FHOD3: variants seen among roughly 807,000 people sequenced by gnomAD.
FHOD3 encodes FH1/FH2 domain-containing protein 3.
A neutral mutation model predicts 173.0 loss-of-function variants in FHOD3; 90 were observed. That is an observed-to-expected ratio of 0.52 (90% CI 0.44 to 0.62). The LOEUF is 0.62. Among genes scored for constraint, FHOD3 ranks in the 20% least tolerant of loss-of-function variants. The pLI is 0.00. For missense variants in FHOD3, 1,945 were observed against 2,034.7 expected (o/e 0.96, Z 0.85); for synonymous variants, 828 against 823.0 (o/e 1.01, Z -0.10).
intron 3 of FHOD3, among the ~76,000 whole-genome samples, chr18:36,463,196 G>T (rs1438311646): frequency 6.6e-6 from 1 of 151,262 alleles, no homozygotes; most frequent in Non-Finnish European, 1.5e-5. Flanking sequence ...TTAGTTAGGT[G>T]GTTGTCTTCC....
At position 36,779,898 on chromosome 18, in the gene FHOD3, C is replaced by T. The variant is rs566433888; in HGVS notation, c.*368C>T. The T allele has an allele frequency of 2.3e-6, 1 of 425,690 alleles. No individual in the cohort carries two copies. The highest frequency in any genetic ancestry group is 2.0e-5 in the African/African-American group (1 of 49,974). 26.4% of individuals were successfully genotyped at this position (425,690 alleles called of 1,614,324 possible). ...ATCTGATTAGCTTCACAGACTGAGT[C>T]TCCACAACACCAAAATATCCAGATG... On this transcript the variant is annotated 3_prime_UTR_variant, in exon 29 of 29. Transcript: ENST00000590592.
At chr18:36,521,409 G>C (rs1339163592) in intron 5 of FHOD3, among the ~76,000 whole-genome samples, 1 of 152,014 alleles carries the variant, frequency 6.6e-6, no homozygotes, top group Non-Finnish European at 1.5e-5. Context: ...TTATACCCCA[G>C]TCAGTTCCTC....
At chr18:36,581,989 TAGG>T (rs762493457) in intron 6 of FHOD3, among the ~76,000 whole-genome samples, 8 of 152,242 alleles carry the variant, frequency 5.3e-5, no homozygotes, top group Non-Finnish European at 1.2e-4. Context: ...ACTAGCCTTC[TAGG>T]AGGAGATTTC....
intron 3 of FHOD3, among the ~76,000 whole-genome samples, chr18:36,382,629 A>G (rs2047847687): frequency 6.6e-6 from 1 of 152,208 alleles, no homozygotes; most frequent in African/African-American, 2.4e-5. Flanking sequence ...AGGCCTGTCT[A>G]CTGTGGAACT....
chr18:36,587,499 G>T (rs1022690536), intron 6 of FHOD3, among the ~76,000 whole-genome samples: 1 of 152,164 alleles, frequency 6.6e-6, no homozygotes, highest in South Asian at 2.1e-4. Context: ...TATCTCAATA[G>T]AGAAAATGCC....
At chr18:36,661,369 T>C (rs949035716) in intron 14 of FHOD3, among the ~76,000 whole-genome samples, 1 of 152,336 alleles carries the variant, frequency 6.6e-6, no homozygotes, top group African/African-American at 2.4e-5. Flanking sequence ...TAGTAGAATT[T>C]GTAAGATTTA....
In FHOD3 at chr18:36,718,567, G is replaced by A; in HGVS notation, c.3269G>A (p.Trp1090Ter). The change falls in exon 19 of 29, where the codon TGG becomes TAG. Residue 1090 changes from tryptophan to a stop codon, truncating the protein, a stop_gained. Coordinates refer to ENST00000590592, the MANE Select transcript of FHOD3 (RefSeq NM_001281740.3). LOFTEE classifies it high-confidence loss of function. Reference protein sequence around the residue: ...TKKKKTIRLFWNEVRPFDWPC... With the variant: ...TKKKKTIRLF Reference sequence around the variant, plus strand: ...AAAAAGAAGACCATCCGTTTGTTCTGGAATGAAGTTCGGCCTTTTGACTGG... The same window carrying A: ...AAAAAGAAGACCATCCGTTTGTTCTAGAATGAAGTTCGGCCTTTTGACTGG... 1 of 1,614,168 alleles carries A rather than the reference G, an allele frequency of 6.2e-7. No individual in the cohort carries two copies. The highest frequency in any genetic ancestry group is 8.5e-7 in the Non-Finnish European group (1 of 1,180,034).
intron 3 of FHOD3, among the ~76,000 whole-genome samples, chr18:36,479,987 G>A (rs1175315727): frequency 1.3e-5 from 2 of 152,178 alleles, no homozygotes; most frequent in African/African-American, 4.8e-5. Flanking sequence ...GAACTAGGCA[G>A]AACTAGCTGT....
chr18:36,676,965 A>C (rs538610626), intron 14 of FHOD3, among the ~76,000 whole-genome samples: 6 of 152,110 alleles, frequency 3.9e-5, no homozygotes, highest in Non-Finnish European at 7.4e-5. Context: ...CTTTATTCTT[A>C]TGTAGTCTTT....
Position 36,653,982 on chromosome 18 carries a change from T to C in FHOD3, c.1721+566T>C, listed in dbSNP as rs545716893. Among the ~76,000 whole-genome samples, 13 of 152,310 alleles carry C rather than the reference T, an allele frequency of 8.5e-5. No individual in the cohort carries two copies. The South Asian group carries it at 1.2e-3, about 15-fold the overall frequency. Reference sequence around the variant, plus strand: ...CTTGACCAGAGTCACTCAGCTAGTATGTTGCGAGGCGGTTTCAACCCCAGG... The same window carrying C: ...CTTGACCAGAGTCACTCAGCTAGTACGTTGCGAGGCGGTTTCAACCCCAGG... On this transcript the variant is annotated intron_variant, in intron 13 of 28. Transcript: ENST00000590592.
intron 7 of FHOD3, among the ~76,000 whole-genome samples, chr18:36,595,955 T>G (rs2030288386): frequency 6.6e-6 from 1 of 152,196 alleles, no homozygotes; most frequent in South Asian, 2.1e-4. Context: ...GGGAAAAGTT[T>G]AAAGAAGACA....
intron 13 of FHOD3, among the ~76,000 whole-genome samples, chr18:36,656,093 C>T (rs957942378): frequency 6.6e-5 from 10 of 152,026 alleles, no homozygotes; most frequent in African/African-American, 1.9e-4. Flanking sequence ...ATCAGGGTCT[C>T]GTCACGGAGA....
chr18:36,546,505 G>A (rs948212384), intron 5 of FHOD3, among the ~76,000 whole-genome samples: 2 of 152,250 alleles, frequency 1.3e-5, no homozygotes, highest in South Asian at 2.1e-4. Context: ...AATTTTTCAG[G>A]TGTTAATCTT....
intron 28 of FHOD3, 124 bp from the exon 29 acceptor site, chr18:36,779,324 C>T (rs770853450): frequency 2.5e-6 from 2 of 810,240 alleles, no homozygotes; most frequent in Non-Finnish European, 4.1e-6. Flanking sequence ...GAGTGTGAAC[C>T]CTCTGGCTTC....
intron 3 of FHOD3, among the ~76,000 whole-genome samples, chr18:36,419,337 TG>T (rs202179377): frequency 0.014 from 2,121 of 152,046 alleles, 20 homozygotes; most frequent in Non-Finnish European, 0.02. Flanking sequence ...GGAGGCCTCC[TG>T]GACAGCTGGT....
In FHOD3 at chr18:36,754,979, A is replaced by C. The variant is rs986593156; in HGVS notation, c.4233-140A>C. ...GAGAGTGTGGCTTGTTGGTTTCTTTATTATTATTATTATTATTATTATTAT... is the reference window on the plus strand; with the variant it reads ...GAGAGTGTGGCTTGTTGGTTTCTTTCTTATTATTATTATTATTATTATTAT... On this transcript the variant is annotated intron_variant, in intron 24 of 28. Transcript: ENST00000590592. 1,116 of 126,650 alleles carry C rather than the reference A, an allele frequency of 8.8e-3. 14 individuals carry two copies. Among genetic ancestry groups the C allele is most frequent in the African/African-American group, 0.053 (1,040 of 19,770 alleles). The allele number at this position is 126,650 out of a possible 1,614,324, so 7.8% of individuals were successfully genotyped here.
At position 36,718,030 on chromosome 18, in the gene FHOD3, C is replaced by A. The variant is rs780295290; in HGVS notation, c.2732C>A (p.Thr911Asn). 15 of 1,605,126 alleles carry A rather than the reference C, an allele frequency of 9.3e-6. No individual in the cohort carries two copies. The highest frequency in any genetic ancestry group is 1.3e-5 in the Non-Finnish European group (15 of 1,175,494). The change falls in exon 19 of 29, where the codon ACC becomes AAC. Residue 911 changes from threonine (T) to asparagine (N), a missense_variant. This residue lies in a region of FHOD3 where 1,099 missense variants were observed against 1,051.2 expected (regional missense o/e 1.05). Coordinates refer to ENST00000590592, the MANE Select transcript of FHOD3 (RefSeq NM_001281740.3). ...GCCAGCCTTGCTACCAGGATATCCACCCTGCAGGCCAACTCTCAGACCCAG... is the reference window on the plus strand; with the variant it reads ...GCCAGCCTTGCTACCAGGATATCCAACCTGCAGGCCAACTCTCAGACCCAG... ...AVASLATRIS[T>N]LQANSQTQDE...
intron 10 of FHOD3, among the ~76,000 whole-genome samples, chr18:36,632,946 C>T (rs1157149893): frequency 1.3e-5 from 2 of 152,154 alleles, no homozygotes; most frequent in East Asian, 3.9e-4. Flanking sequence ...AAGCAGATGC[C>T]TTAAGAGATC....
intron 6 of FHOD3, among the ~76,000 whole-genome samples, chr18:36,589,913 T>C (rs1488769819): frequency 6.6e-6 from 1 of 152,180 alleles, no homozygotes; most frequent in Non-Finnish European, 1.5e-5. Context: ...CTTGAGCCTG[T>C]AAGTTGTAGT....
Sources: allele counts gnomAD v4.1 joint callset (sites outside exome capture counted in the v4.1 genomes callset), GRCh38; gene constraint gnomAD v4.1.1; regional missense constraint gnomAD v4.1.1; transcripts MANE v1.5; gene names NCBI Gene and HGNC (gene_info 2026-07-23, HGNC 2026-07-21).